GAB2: variants seen among roughly 807,000 people sequenced by gnomAD.
GAB2 encodes the protein GRB2-associated-binding protein 2.
A neutral mutation model predicts 65.5 loss-of-function variants in GAB2; 26 were observed. The observed-to-expected ratio is 0.40, with a 90% CI of 0.29 to 0.55. GAB2 has a LOEUF of 0.55. Ranked by LOEUF, GAB2 falls within the 20% of genes least tolerant of loss-of-function variation. GAB2 has a pLI of 0.53. For missense variants in GAB2, 884 were observed against 875.8 expected (o/e 1.01, Z -0.12); for synonymous variants, 321 against 329.6 (o/e 0.97, Z 0.28).
intron 2 of GAB2, among the ~76,000 whole-genome samples, chr11:78,274,400 T>C (rs1316658287): frequency 1.3e-5 from 2 of 152,198 alleles, no homozygotes; most frequent in African/African-American, 4.8e-5. Context: ...GGACACTGGA[T>C]TGATCAACTC....
chr11:78,331,767 C>T (rs1018405832), intron 1 of GAB2, among the ~76,000 whole-genome samples: 5 of 152,258 alleles, frequency 3.3e-5, no homozygotes, highest in Admixed American at 3.3e-4. Flanking sequence ...TCAGACCAAA[C>T]TCACAATAGA....
chr11:78,261,058 T>C (rs539137889), intron 2 of GAB2, among the ~76,000 whole-genome samples: 7 of 143,630 alleles, frequency 4.9e-5, no homozygotes, highest in African/African-American at 2.0e-4. Context: ...TCTCTATATA[T>C]GTATGTATGT....
chr11:78,231,866 A>G (rs755985911), intron 3 of GAB2: 1 of 152,244 alleles, frequency 6.6e-6, no homozygotes, highest in Non-Finnish European at 1.5e-5. Flanking sequence ...AATGCTTGTA[A>G]GTAGATTAAA....
intron 1 of GAB2, among the ~76,000 whole-genome samples, chr11:78,319,871 C>CTA (rs372389982): frequency 6.9e-6 from 1 of 145,784 alleles, no homozygotes; most frequent in Admixed American, 6.8e-5. Flanking sequence ...AAGAAACAGA[C>CTA]TTTTTTTTTT....
At chr11:78,250,017 A>G (rs1452897775) in intron 3 of GAB2, 140 bp downstream of exon 3, 17 of 908,444 alleles carry the variant, frequency 1.9e-5, no homozygotes, top group Non-Finnish European at 2.9e-5. Flanking sequence ...ACAGAAGCAA[A>G]AAATTATGTT....
At chr11:78,255,327 G>T (rs745884390) in intron 2 of GAB2, among the ~76,000 whole-genome samples, 1 of 152,170 alleles carries the variant, frequency 6.6e-6, no homozygotes, top group Non-Finnish European at 1.5e-5. Flanking sequence ...AACTGTGAGA[G>T]AGTAAATTTT....
At chr11:78,370,932 A>C (rs1402646400) in intron 1 of GAB2, among the ~76,000 whole-genome samples, 1 of 152,178 alleles carries the variant, frequency 6.6e-6, no homozygotes, top group African/African-American at 2.4e-5. Context: ...TTTGAACTTG[A>C]AAGTGGTAGG....
intron 1 of GAB2, among the ~76,000 whole-genome samples, chr11:78,315,904 C>T (rs534271507): frequency 6.6e-6 from 1 of 152,252 alleles, no homozygotes; most frequent in East Asian, 1.9e-4. Flanking sequence ...AGTCAGTGTA[C>T]TGAGAAAGGA....
chr11:78,410,991 A>T (rs1387545601), intron 1 of GAB2, among the ~76,000 whole-genome samples: 2 of 143,972 alleles, frequency 1.4e-5, no homozygotes, highest in East Asian at 5.0e-4. Flanking sequence ...TCTACAAATA[A>T]TAAAAAAAAA....
At chr11:78,382,627 T>A (rs1001935725) in intron 1 of GAB2, among the ~76,000 whole-genome samples, 1 of 152,130 alleles carries the variant, frequency 6.6e-6, no homozygotes, top group African/African-American at 2.4e-5. Flanking sequence ...GTACTGCACA[T>A]AAAATTAAGT....
At chr11:78,270,272 T>C (rs1272974499) in intron 2 of GAB2, among the ~76,000 whole-genome samples, 1 of 151,598 alleles carries the variant, frequency 6.6e-6, no homozygotes, top group Non-Finnish European at 1.5e-5. Flanking sequence ...GGGTGGAGGT[T>C]GCAGTGAGCT....
intron 3 of GAB2, among the ~76,000 whole-genome samples, chr11:78,231,336 G>GTGTGTGT (rs1554975133): frequency 8.2e-5 from 12 of 145,898 alleles, no homozygotes; most frequent in African/African-American, 2.1e-4. Context: ...GCGCGTGTGT[G>GTGTGTGT]GTGTGTGTGT....
chr11:78,308,771 T>C (rs754365383), intron 1 of GAB2, among the ~76,000 whole-genome samples: 3 of 152,196 alleles, frequency 2.0e-5, no homozygotes, highest in Non-Finnish European at 4.4e-5. Context: ...TGGAGTGGAA[T>C]AAGAAGAATA....
intron 1 of GAB2, among the ~76,000 whole-genome samples, chr11:78,292,600 G>A (rs185645063): frequency 6.6e-6 from 1 of 152,258 alleles, no homozygotes; most frequent in Non-Finnish European, 1.5e-5. Flanking sequence ...ATTTCAACAC[G>A]AAGCTACTAT....
At chr11:78,391,872 G>A (rs961047723) in intron 1 of GAB2, among the ~76,000 whole-genome samples, 2 of 152,164 alleles carry the variant, frequency 1.3e-5, no homozygotes, top group Admixed American at 6.5e-5. Flanking sequence ...CTTTAATCAT[G>A]ACCAAAGATG....
At chr11:78,349,612 A>G (rs1856244013) in intron 1 of GAB2, among the ~76,000 whole-genome samples, 1 of 152,232 alleles carries the variant, frequency 6.6e-6, no homozygotes, top group Admixed American at 6.5e-5. Context: ...GCCTAGGGAC[A>G]AGAAGAGCTG....
intron 1 of GAB2, among the ~76,000 whole-genome samples, chr11:78,302,481 G>C (rs890459053): frequency 1.3e-5 from 2 of 151,672 alleles, no homozygotes; most frequent in African/African-American, 2.4e-5. Context: ...ACCACAAAGC[G>C]ATACCACCTT....
At chr11:78,234,857 A>G (rs11237424) in intron 3 of GAB2, among the ~76,000 whole-genome samples, 28,436 of 151,830 alleles carry the variant, frequency 0.19, 2,992 homozygotes, top group East Asian at 0.4. Flanking sequence ...TAAAAATACA[A>G]AAATTAGCCA....
chr11:78,277,038 C>T (rs548135905), intron 2 of GAB2, among the ~76,000 whole-genome samples: 2 of 151,892 alleles, frequency 1.3e-5, no homozygotes, highest in South Asian at 2.1e-4. Flanking sequence ...AGGATGGTGT[C>T]GATCTCCTAA....
Sources: allele counts gnomAD v4.1 joint callset (sites outside exome capture counted in the v4.1 genomes callset), GRCh38; gene constraint gnomAD v4.1.1; transcripts MANE v1.5; gene names NCBI Gene and HGNC (gene_info 2026-07-23, HGNC 2026-07-21).